DENND2B: variants seen among roughly 807,000 people sequenced by gnomAD.
DENND2B encodes the protein DENN domain-containing protein 2B.
Under a neutral mutation model 116.0 loss-of-function variants are expected in DENND2B, and 32 were observed. That is an observed-to-expected ratio of 0.28 (90% CI 0.21 to 0.37). The LOEUF is 0.37. Ranked by LOEUF, DENND2B falls within the 10% of genes least tolerant of loss-of-function variation. DENND2B has a pLI of 1.00. For synonymous variants in DENND2B, 588 were observed against 583.9 expected (o/e 1.01, Z -0.10); for missense variants, 1,276 against 1,477.7 (o/e 0.86, Z 2.24).
At position 8,699,115 on chromosome 11, in the gene DENND2B, A is replaced by G. The variant is rs1406072618; in HGVS notation, c.2898+98T>C. 8 of 1,513,404 alleles carry G rather than the reference A, an allele frequency of 5.3e-6. No homozygotes were observed. In the African/African-American group the frequency reaches 5.6e-5, roughly 11 times the overall value. 93.7% of individuals were successfully genotyped at this position (1,513,404 alleles called of 1,614,324 possible). A position where few individuals can be genotyped will look rare whatever the true frequency, so the allele number is the denominator to read the frequency against. On this transcript the variant is annotated intron_variant, in intron 15 of 19. Coordinates refer to ENST00000313726, the MANE Select transcript of DENND2B (RefSeq NM_213618.2). ...GGGATAGACCTCCCAGGGAGAAAGGATAAGAGCCTGGTAAAGAGGCCGAGG... is the reference window on the plus strand; with the variant it reads ...GGGATAGACCTCCCAGGGAGAAAGGGTAAGAGCCTGGTAAAGAGGCCGAGG...
intron 1 of DENND2B, chr11:8,757,243 T>TG: frequency 2.7e-6 from 1 of 364,790 alleles, no homozygotes; most frequent in Non-Finnish European, 5.4e-6. Context: ...CTCCCATGAT[T>TG]GCCCTGTCTG....
chr11:8,694,164 G>A (rs759619619), intron 19 of DENND2B, 34 bp from the exon 20 acceptor site: 2 of 1,613,738 alleles, frequency 1.2e-6, no homozygotes. Context: ...AGAATGTTCA[G>A]TGTTATCCCT....
intron 3 of DENND2B, among the ~76,000 whole-genome samples, chr11:8,848,612 G>A (rs1022911323): frequency 2.6e-5 from 4 of 152,056 alleles, no homozygotes; most frequent in South Asian, 2.1e-4. Flanking sequence ...TATGCTTCCC[G>A]AAATATTATT....
intron 2 of DENND2B, among the ~76,000 whole-genome samples, chr11:8,866,919 A>G (rs1266706054): frequency 6.6e-6 from 1 of 152,162 alleles, no homozygotes; most frequent in Non-Finnish European, 1.5e-5. Flanking sequence ...AAGGTGTGAG[A>G]GGCTCTTAAA....
intron 1 of DENND2B, chr11:8,794,772 T>C (rs2059670793): frequency 6.6e-6 from 1 of 152,218 alleles, no homozygotes; most frequent in South Asian, 2.1e-4. Context: ...GGTCACCTGC[T>C]CAGGCAGCAA....
intron 4 of DENND2B, among the ~76,000 whole-genome samples, chr11:8,719,785 A>G (rs1261799466): frequency 4.6e-5 from 7 of 152,244 alleles, no homozygotes; most frequent in Admixed American, 2.6e-4. Context: ...CCAGAGCATC[A>G]CTGTCCACAT....
At chr11:8,782,999 CA>C (rs1276354866) in intron 1 of DENND2B, among the ~76,000 whole-genome samples, 3 of 148,138 alleles carry the variant, frequency 2.0e-5, no homozygotes, top group Non-Finnish European at 3.0e-5. Flanking sequence ...TGAAGTTATA[CA>C]AGTAGGCACA....
chr11:8,884,391 A>G (rs951796197), intron 1 of DENND2B, among the ~76,000 whole-genome samples: 1 of 151,912 alleles, frequency 6.6e-6, no homozygotes, highest in Non-Finnish European at 1.5e-5. Flanking sequence ...CAGTGGTGCA[A>G]GCATAGCTCA....
chr11:8,890,294 A>C (rs1449153795), intron 1 of DENND2B, among the ~76,000 whole-genome samples: 1 of 152,214 alleles, frequency 6.6e-6, no homozygotes, highest in African/African-American at 2.4e-5. Context: ...GATGGGGAAA[A>C]AACAGAGCAG....
At chr11:8,866,041 C>G (rs542964534) in intron 2 of DENND2B, among the ~76,000 whole-genome samples, 86 of 152,132 alleles carry the variant, frequency 5.7e-4, no homozygotes, top group Middle Eastern at 3.4e-3. Context: ...CTCACTGCAA[C>G]CTCCGCCTCC....
rs2040388396 is a variant in DENND2B, at chr11:8,696,552, T to C, written c.3167A>G (p.Gln1056Arg). 1.9e-6 allele frequency: 3 copies of C among 1,614,064 alleles called. No individual in the cohort carries two copies. The highest frequency in any genetic ancestry group is 2.5e-6 in the Non-Finnish European group (3 of 1,180,044). The change falls in exon 18 of 20, where the codon CAG (glutamine) becomes CGG (arginine). Residue 1056 changes from glutamine (Q) to arginine (R), a missense_variant. Around this residue, in one of 2 missense-constraint regions of DENND2B, gnomAD observed 420 missense variants for 631.1 expected, o/e 0.67. Transcript: ENST00000313726. ...CACAGATTTGCGGAAGGCCTCTCGC[T>C]GAAAGGCCCTCTCTCCCTTCTCACT... ...TQSEKGERAF[Q>R]REAFRKSVAS...
chr11:8,851,103 A>T (rs1048513077), intron 3 of DENND2B, among the ~76,000 whole-genome samples: 2 of 152,182 alleles, frequency 1.3e-5, no homozygotes, highest in East Asian at 1.9e-4. Context: ...AGTTCAAGAG[A>T]TCTACTGCAC....
At chr11:8,742,451 G>A (rs934732645) in intron 2 of DENND2B, among the ~76,000 whole-genome samples, 2 of 152,122 alleles carry the variant, frequency 1.3e-5, no homozygotes, top group Admixed American at 1.3e-4. Context: ...GGGGCATAAA[G>A]GAGAGTAAGG....
intron 2 of DENND2B, among the ~76,000 whole-genome samples, chr11:8,880,715 T>C (rs544647612): frequency 1.3e-5 from 2 of 152,222 alleles, no homozygotes; most frequent in Admixed American, 1.3e-4. Context: ...AAATAATAAA[T>C]AAAACTGACA....
At chr11:8,742,616 T>A (rs772749233) in intron 2 of DENND2B, among the ~76,000 whole-genome samples, 2 of 152,204 alleles carry the variant, frequency 1.3e-5, no homozygotes, top group Non-Finnish European at 2.9e-5. Context: ...TCTGACTTGC[T>A]CTAGCTGCCT....
rs553694149 is a variant in DENND2B, at chr11:8,702,902, G to C, written c.2572-182C>G. ...CTCGGACTACAGCTCTGCTCTCGTA[G>C]CACTCGAACACCCAGCCTGTGGGCA... On this transcript the variant is annotated intron_variant, in intron 13 of 19. Transcript: ENST00000313726. This position sits in a 1 kb window ranked among gnomAD's most constrained non-coding sequence, Gnocchi z 4.6. 39 of 745,276 alleles carry C rather than the reference G, an allele frequency of 5.2e-5. No homozygotes were observed. In the South Asian group the frequency reaches 6.2e-4, roughly 12 times the overall value. The allele number at this position is 745,276 out of a possible 1,614,324, so 46.2% of individuals were successfully genotyped here.
chr11:8,706,833 G>A (rs188954865), intron 13 of DENND2B, among the ~76,000 whole-genome samples: 7 of 152,304 alleles, frequency 4.6e-5, no homozygotes, highest in Non-Finnish European at 1.0e-4. Context: ...TTCAATGAAT[G>A]AACAAAAGGA....
chr11:8,726,273 T>C lies in DENND2B; in HGVS notation c.1341-64A>G. On this transcript the variant is annotated intron_variant, in intron 3 of 19. Coordinates refer to ENST00000313726, the MANE Select transcript of DENND2B (RefSeq NM_213618.2). ...AGATCTCTGCTGCCTTGCTGGGGAA[T>C]GTCCATGGCAACAGCAAAGACCATA... The C allele has an allele frequency of 1.9e-6, 3 of 1,545,014 alleles. No individual in the cohort carries two copies. The South Asian group carries it at 3.8e-5, about 20-fold the overall frequency.
intron 1 of DENND2B, among the ~76,000 whole-genome samples, chr11:8,793,905 G>A (rs554751903): frequency 1.1e-4 from 17 of 151,932 alleles, no homozygotes; most frequent in South Asian, 4.2e-4. Context: ...TAAACTTTTC[G>A]TGTAAAACTA....
Sources: gnomAD v4.1 joint callset for allele counts (sites outside exome capture counted in the v4.1 genomes callset) on GRCh38, gnomAD v4.1.1 for gene constraint, gnomAD v4.1.1 regional missense constraint, Gnocchi (gnomAD v3.1) non-coding constraint, MANE v1.5 for transcripts, NCBI Gene and HGNC (gene_info 2026-07-23, HGNC 2026-07-21) for gene names.